RPL7A: variants seen among roughly 807,000 people sequenced by gnomAD.
RPL7A encodes the protein ribosomal protein L7a.
For synonymous variants in RPL7A, 158 were observed against 128.2 expected, an observed-to-expected ratio of 1.23 and a Z score of -1.57; for missense variants, 291 against 338.2, an observed-to-expected ratio of 0.86 and a Z score of 1.09.
At position 133,351,257 on chromosome 9, in the gene RPL7A, T is replaced by C; in HGVS notation, c.697-5T>C. On this transcript the variant is annotated splice_polypyrimidine_tract_variant and splice_region_variant and intron_variant, in intron 7 of 7. Coordinates refer to ENST00000323345, the MANE Select transcript of RPL7A (RefSeq NM_000972.3). ...CAAGCTAACTGCCTCTTTTTGTCTT[T>C]TCAGATCCGCCGTCACTGGGGTGGC... is the stretch of plus-strand genomic sequence containing the variant. 1 of 1,613,538 alleles carries C rather than the reference T, an allele frequency of 6.2e-7. No homozygotes were observed.
rs2129989670 is a variant in RPL7A, at chr9:133,349,908, C to G, written c.275-4C>G. 1.8e-5 allele frequency: 29 copies of G among 1,610,162 alleles called. No homozygotes were observed. Among genetic ancestry groups the G allele is most frequent in the Non-Finnish European group, 2.3e-5 (27 of 1,179,610 alleles). On this transcript the variant is annotated splice_polypyrimidine_tract_variant and splice_region_variant and intron_variant, in intron 3 of 7. Transcript: ENST00000323345. ...CAAGCCTAAACTGAAGAGTGTTTTT[C>G]CAGCTACTCAGCTGCTTAAGCTGGC...
In RPL7A at chr9:133,349,628, G is replaced by A. The variant is rs199584544; in HGVS notation, c.202G>A (p.Ala68Thr). The A allele has an allele frequency of 1.5e-5, 25 of 1,613,930 alleles. No individual in the cohort carries two copies. Among genetic ancestry groups the A allele is most frequent in the Middle Eastern group, 3.3e-4 (2 of 6,082 alleles). Residue 68 changes from alanine (A) to threonine (T), a missense_variant, in exon 3 of 8, where the codon GCC becomes ACC. Ala to Thr is a moderately conservative substitution (Grantham distance 58). Coordinates refer to ENST00000323345, the MANE Select transcript of RPL7A (RefSeq NM_000972.3). ...CTATATCAGGTTGCAGCGGCAGAGA[G>A]CCATCCTCTATAAGCGGCTGAAAGT... is the stretch of plus-strand genomic sequence containing the variant. ...PRYIRLQRQR[A>T]ILYKRLKVPP...
At chr9:133,350,545 A>T (rs1198682278) in intron 5 of RPL7A, 52 bp from the exon 6 acceptor site, 7 of 1,614,100 alleles carry the variant, frequency 4.3e-6, no homozygotes, top group Non-Finnish European at 5.1e-6. Flanking sequence ...AAGCTAACTG[A>T]AATTTGCTGC....
At position 133,350,695 on chromosome 9, in the gene RPL7A, C is replaced by G. The variant is rs147852684; in HGVS notation, c.594C>G (p.Thr198=). 5 of 1,614,176 alleles carry G rather than the reference C, an allele frequency of 3.1e-6. No individual in the cohort carries two copies. In the Admixed American group the frequency reaches 6.7e-5, roughly 22 times the overall value. ...TGGGACGTCTAGTCCACAGGAAGACCTGCACCACTGTCGCCTTCACACAGG... is the reference window on the plus strand; with the variant it reads ...TGGGACGTCTAGTCCACAGGAAGACGTGCACCACTGTCGCCTTCACACAGG... The part of the protein sequence containing the change: ...ARLGRLVHRK[T]CTTVAFTQVN... Residue 198 remains threonine, a synonymous_variant, in exon 6 of 8, where the codon ACC becomes ACG. Coordinates refer to ENST00000323345, the MANE Select transcript of RPL7A (RefSeq NM_000972.3).
chr9:133,350,624 C>T lies in RPL7A; in HGVS notation c.523C>T (p.Arg175Cys). ...ELVVFLPALC[R>C]KMGVPYCIIK... ...GGTTGTCTTCTTGCCTGCCCTGTGT[C>T]GTAAAATGGGGGTCCCTTACTGCAT... is the stretch of plus-strand genomic sequence containing the variant. The change falls in exon 6 of 8, where the codon CGT (arginine) becomes TGT (cysteine). Residue 175 changes from arginine (R) to cysteine (C), a missense_variant. Physicochemically the swap from Arg to Cys is radical, Grantham distance 180. Transcript: ENST00000323345. 6.2e-7 allele frequency: 1 copy of T among 1,614,020 alleles called. No homozygotes were observed. Among genetic ancestry groups the T allele is most frequent in the Non-Finnish European group, 8.5e-7 (1 of 1,179,956 alleles).
Position 133,350,002 on chromosome 9 carries a change from C to T in RPL7A, c.365C>T (p.Ala122Val), listed in dbSNP as rs1836344699. 3 of 1,612,880 alleles carry T rather than the reference C, an allele frequency of 1.9e-6. No homozygotes were observed. Among genetic ancestry groups the T allele is most frequent in the Non-Finnish European group, 1.7e-6 (2 of 1,180,036 alleles). The change falls in exon 4 of 8, where the codon GCT (alanine) becomes GTT (valine). Residue 122 changes from alanine (A) to valine (V), a missense_variant. Coordinates refer to ENST00000323345, the MANE Select transcript of RPL7A (RefSeq NM_000972.3). ...CTGTTGGCCCGGGCCGAGAAGAAGGCTGCTGGCAAAGGGGACGTCCCAACG... is the reference window on the plus strand; with the variant it reads ...CTGTTGGCCCGGGCCGAGAAGAAGGTTGCTGGCAAAGGGGACGTCCCAACG... ...QRLLARAEKK[A>V]AGKGDVPTKR... is the part of the protein sequence containing the mutation.
chr9:133,350,860 T>A (rs1399799456), intron 6 of RPL7A, 133 bp downstream of exon 6: 23 of 1,507,872 alleles, frequency 1.5e-5, no homozygotes, highest in Non-Finnish European at 2.0e-5. Context: ...CAATGATGGT[T>A]AAGAATTTCT....
At chr9:133,348,298 C>T (rs2129977870) in intron 1 of RPL7A, 52 bp downstream of exon 1, 2 of 1,613,752 alleles carry the variant, frequency 1.2e-6, no homozygotes, top group African/African-American at 1.3e-5. Context: ...GCTGTATCCG[C>T]TGCCATCCTC....
intron 1 of RPL7A, chr9:133,348,456 A>G: frequency 1.5e-6 from 1 of 681,480 alleles, no homozygotes; most frequent in Non-Finnish European, 2.5e-6. Flanking sequence ...GGCGGCCGAG[A>G]GCGGAATGCG....
chr9:133,349,101 T>G (rs782474203), intron 2 of RPL7A, 59 bp downstream of exon 2: 1 of 1,595,970 alleles, frequency 6.3e-7, no homozygotes, highest in African/African-American at 1.3e-5. Flanking sequence ...AAGGTGGTAA[T>G]TGGGTTGTGT....
chr9:133,348,731 T>C, intron 1 of RPL7A, 191 bp from the exon 2 acceptor site: 3 of 862,390 alleles, frequency 3.5e-6, no homozygotes, highest in South Asian at 2.8e-5. Context: ...TTCCCGGGGC[T>C]GCATGCTTGT....
At position 133,350,265 on chromosome 9, in the gene RPL7A, G is replaced by A. The variant is rs2129992528; in HGVS notation, c.441G>A (p.Val147=). 2 of 1,613,956 alleles carry A rather than the reference G, an allele frequency of 1.2e-6. No individual in the cohort carries two copies. Among genetic ancestry groups the A allele is most frequent in the Non-Finnish European group, 1.7e-6 (2 of 1,180,024 alleles). The change falls in exon 5 of 8, where the codon GTG becomes GTA. Residue 147 remains valine (V), a synonymous_variant. Coordinates refer to ENST00000323345, the MANE Select transcript of RPL7A (RefSeq NM_000972.3). Reference sequence around the variant, plus strand: ...GAGTTAACACCGTCACCACCTTGGTGGAGAACAAGAAAGCTCAGCTGGTGG... The same window carrying A: ...GAGTTAACACCGTCACCACCTTGGTAGAGAACAAGAAAGCTCAGCTGGTGG... ...RAGVNTVTTL[V]ENKKAQLVVI...
chr9:133,351,030 G>C lies in RPL7A; in HGVS notation c.655G>C (p.Val219Leu). Residue 219 changes from valine to leucine, a missense_variant, in exon 7 of 8, where the codon GTG (valine) becomes CTG (leucine). By Grantham distance (32) the Val-to-Leu change is conservative (BLOSUM62 1). Coordinates refer to ENST00000323345, the MANE Select transcript of RPL7A (RefSeq NM_000972.3). ...AGACAAAGGCGCTTTGGCTAAGCTG[G>C]TGGAAGCTATCAGGACCAATTACAA... ...SEDKGALAKL[V>L]EAIRTNYNDR... 1 of 1,614,150 alleles carries C rather than the reference G, an allele frequency of 6.2e-7. No individual in the cohort carries two copies. Among genetic ancestry groups the C allele is most frequent in the Non-Finnish European group, 8.5e-7 (1 of 1,180,020 alleles).
At chr9:133,350,185 T>G in intron 4 of RPL7A, 55 bp from the exon 5 acceptor site, 1 of 1,611,848 alleles carries the variant, frequency 6.2e-7, no homozygotes, top group Non-Finnish European at 8.5e-7. Context: ...GCCCAGCAGC[T>G]TCTTGTGACT....
chr9:133,348,353 G>C (rs1178220948), intron 1 of RPL7A, 107 bp downstream of exon 1: 1 of 1,485,100 alleles, frequency 6.7e-7, no homozygotes, highest in South Asian at 1.1e-5. Flanking sequence ...CCTGGCGCTA[G>C]GAGAGCCCCA....
chr9:133,351,114 T>G, intron 7 of RPL7A, 43 bp downstream of exon 7: 2 of 1,597,874 alleles, frequency 1.3e-6, no homozygotes, highest in Admixed American at 3.4e-5. Flanking sequence ...TTCACAAATC[T>G]TTCTCCCAAA....
intron 1 of RPL7A, 86 bp downstream of exon 1, chr9:133,348,332 C>G: frequency 6.4e-7 from 1 of 1,551,710 alleles, no homozygotes; most frequent in Non-Finnish European, 8.9e-7. Flanking sequence ...CTCGGAGGGC[C>G]TCCTGCTCCT....
At chr9:133,350,441 A>T in intron 5 of RPL7A, 122 bp downstream of exon 5, 4 of 1,490,290 alleles carry the variant, frequency 2.7e-6, no homozygotes, top group Non-Finnish European at 3.7e-6. Context: ...CACAGATCCA[A>T]CACATGCGTG....
chr9:133,349,728 T>C (rs2129988291), intron 3 of RPL7A, 28 bp downstream of exon 3: 3 of 1,611,156 alleles, frequency 1.9e-6, no homozygotes, highest in Non-Finnish European at 2.5e-6. Context: ...GGAAAGGAGT[T>C]TCTCAGGCAA....
Sources: allele counts gnomAD v4.1 joint callset, GRCh38; gene constraint gnomAD v4.1.1; transcripts MANE v1.5; gene names NCBI Gene and HGNC (gene_info 2026-07-23, HGNC 2026-07-21).